CDH4: variants seen among roughly 807,000 people sequenced by gnomAD.
CDH4 encodes cadherin 4, also known as cadherin-4.
CDH4 carries 33 observed loss-of-function variants against 86.0 expected under a neutral mutation model. That is an observed-to-expected ratio of 0.38 (90% CI 0.29 to 0.51). The LOEUF is 0.51. Among genes scored for constraint, CDH4 ranks in the 20% least tolerant of loss-of-function variants. CDH4 has a pLI of 0.86. For synonymous variants in CDH4, 555 were observed against 549.4 expected (o/e 1.01, Z -0.14); for missense variants, 1,114 against 1,307.4 (o/e 0.85, Z 2.28).
intron 5 of CDH4, among the ~76,000 whole-genome samples, chr20:61,849,162 A>C (rs1314378157): frequency 6.6e-6 from 1 of 151,624 alleles, no homozygotes; most frequent in Non-Finnish European, 1.5e-5. Flanking sequence ...ACTTGTAGCT[A>C]ATCTCTCTGT....
At chr20:61,822,494 T>C (rs1320855783) in intron 4 of CDH4, among the ~76,000 whole-genome samples, 2 of 152,126 alleles carry the variant, frequency 1.3e-5, no homozygotes, top group African/African-American at 4.8e-5. Flanking sequence ...AGCGAAGGTG[T>C]GGTTCGGCGA....
At chr20:61,859,492 CTT>C (rs927601224) in intron 6 of CDH4, among the ~76,000 whole-genome samples, 3 of 152,226 alleles carry the variant, frequency 2.0e-5, no homozygotes, top group African/African-American at 7.2e-5. Flanking sequence ...TGAAAATGCT[CTT>C]CTCTGGGTTT....
intron 2 of CDH4, among the ~76,000 whole-genome samples, chr20:61,727,408 ATCATCATCTCTG>A (rs1157993965): frequency 1.3e-5 from 2 of 152,296 alleles, no homozygotes; most frequent in South Asian, 2.1e-4. Flanking sequence ...TGCTGCCATC[ATCATCATCTCTG>A]TCATCATCAC....
chr20:61,897,726 G>A (rs1486150401), intron 8 of CDH4, among the ~76,000 whole-genome samples: 1 of 152,362 alleles, frequency 6.6e-6, no homozygotes, highest in Non-Finnish European at 1.5e-5. Flanking sequence ...GCTAAGCACA[G>A]GCTACTGCAG....
At chr20:61,288,928 T>G (rs1008027712) in intron 2 of CDH4, among the ~76,000 whole-genome samples, 2 of 151,940 alleles carry the variant, frequency 1.3e-5, no homozygotes, top group South Asian at 4.2e-4. Context: ...TAAAGTAAAC[T>G]GGGGCTTAAA....
intron 2 of CDH4, among the ~76,000 whole-genome samples, chr20:61,316,095 C>G (rs543849650): frequency 5.3e-5 from 8 of 152,126 alleles, no homozygotes; most frequent in African/African-American, 1.7e-4. Flanking sequence ...CTCAGTTTTC[C>G]TAATTCACGT....
intron 2 of CDH4, among the ~76,000 whole-genome samples, chr20:61,298,931 T>G (rs2084371672): frequency 6.6e-6 from 1 of 152,122 alleles, no homozygotes; most frequent in Non-Finnish European, 1.5e-5. Flanking sequence ...AGAGTTCATT[T>G]CTGAAAACAG....
chr20:61,288,792 C>T (rs1313093618), intron 2 of CDH4, among the ~76,000 whole-genome samples: 3 of 152,134 alleles, frequency 2.0e-5, no homozygotes, highest in Admixed American at 2.0e-4. Flanking sequence ...AGCAGGGCGG[C>T]CAAACAATAA....
At chr20:61,880,132 CAT>C (rs969758384) in intron 7 of CDH4, among the ~76,000 whole-genome samples, 16 of 152,214 alleles carry the variant, frequency 1.1e-4, no homozygotes, top group African/African-American at 3.4e-4. Context: ...AATGTATTCA[CAT>C]GATTCAAATT....
At chr20:61,554,826 A>G (rs1350176347) in intron 2 of CDH4, among the ~76,000 whole-genome samples, 4 of 152,320 alleles carry the variant, frequency 2.6e-5, no homozygotes, top group East Asian at 1.9e-4. Context: ...GTGTGAGAGT[A>G]TGTTCGCATC....
At chr20:61,328,969 A>G (rs2084553068) in intron 2 of CDH4, among the ~76,000 whole-genome samples, 1 of 152,184 alleles carries the variant, frequency 6.6e-6, no homozygotes, top group African/African-American at 2.4e-5. Context: ...TACACCTCAC[A>G]TGCTGAGCAT....
chr20:61,672,549 G>T lies in CDH4; in HGVS notation c.170-71014G>T, dbSNP rs548430690. Among the ~76,000 whole-genome samples the T allele has an allele frequency of 1.6e-3, 249 of 152,282 alleles. 1 individual carries two copies. The highest frequency in any genetic ancestry group is 5.7e-3 in the African/African-American group (238 of 41,562). On this transcript the variant is annotated intron_variant, in intron 2 of 15. Transcript: ENST00000614565. ...CCTCCAGCACTGTGCTTGCTGTGTA[G>T]TAAGGGCTCTGTGAGAAATGAGGTG...
At chr20:61,611,709 C>T (rs890188188) in intron 2 of CDH4, among the ~76,000 whole-genome samples, 1 of 152,152 alleles carries the variant, frequency 6.6e-6, no homozygotes, top group Non-Finnish European at 1.5e-5. Flanking sequence ...TCAGGCCAAA[C>T]GAGGCTGTAG....
rs1332876352 is a variant in CDH4 at position 61,623,159 on chromosome 20, G to A, written c.170-120404G>A. 6.6e-6 allele frequency among the ~76,000 whole-genome samples: 1 copy of A among 152,164 alleles called. No homozygotes were observed. On this transcript the variant is annotated intron_variant, in intron 2 of 15. Coordinates refer to ENST00000614565, the MANE Select transcript of CDH4 (RefSeq NM_001794.5). The surrounding 1 kb of genome is among the most constrained non-coding windows in gnomAD (Gnocchi z 4.4). ...GTTTCCAGATGAGGATGTGGAGGTG[G>A]GAGTAGAAGGGCCTGGGTTCAAATC...
rs2123027752 is a variant in CDH4, at chr20:61,937,178, CTGTCTTCACT to C, written c.*238_*247del. The C allele has an allele frequency of 4.5e-6, 1 of 219,916 alleles. No homozygotes were observed. Among genetic ancestry groups the C allele is most frequent in the East Asian group, 8.1e-5 (1 of 12,384 alleles). 13.6% of individuals were successfully genotyped at this position (219,916 alleles called of 1,614,324 possible). On this transcript the variant is annotated 3_prime_UTR_variant, in exon 16 of 16. Transcript: ENST00000614565. ...GCACTGAAGGACAGCAAGAGGCACTCTGTCTTCACTTGAATTTCCTAGAACAGAAGCACTG... is the reference window on the plus strand; with the variant it reads ...GCACTGAAGGACAGCAAGAGGCACTCTGAATTTCCTAGAACAGAAGCACTG...
Position 61,668,607 on chromosome 20 carries a change from C to A in CDH4, c.170-74956C>A, listed in dbSNP as rs73306697. ...CAGGGCAACTCCTCCTGTGTACATT[C>A]CCCCAGCCCCATGAGAGAAAAAGAG... On this transcript the variant is annotated intron_variant, in intron 2 of 15. Transcript: ENST00000614565. 6.4e-3 allele frequency among the ~76,000 whole-genome samples: 978 copies of A among 152,296 alleles called. 7 individuals carry two copies. The highest frequency in any genetic ancestry group is 0.023 in the African/African-American group (937 of 41,566).
At chr20:61,463,569 A>G (rs201573069) in intron 2 of CDH4, among the ~76,000 whole-genome samples, 25 of 152,326 alleles carry the variant, frequency 1.6e-4, no homozygotes, top group East Asian at 7.7e-4. Context: ...TCCCCACCCA[A>G]TCAGTCAGGA....
intron 4 of CDH4, among the ~76,000 whole-genome samples, chr20:61,792,957 T>TTTTTTGTTTTTG (rs148837229): frequency 1.4e-5 from 2 of 146,842 alleles, no homozygotes; most frequent in South Asian, 2.2e-4. Flanking sequence ...CCTATGTGTT[T>TTTTTTGTTTTTG]TTTTTGTTTT....
At chr20:61,273,973 G>C (rs1272099781) in intron 2 of CDH4, among the ~76,000 whole-genome samples, 14 of 149,362 alleles carry the variant, frequency 9.4e-5, no homozygotes, top group Non-Finnish European at 1.9e-4. Context: ...GTGCAGTTTT[G>C]GGGGGTACCA....
Sources: gnomAD v4.1 joint callset for allele counts (sites outside exome capture counted in the v4.1 genomes callset) on GRCh38, gnomAD v4.1.1 for gene constraint, Gnocchi (gnomAD v3.1) non-coding constraint, MANE v1.5 for transcripts, NCBI Gene and HGNC (gene_info 2026-07-23, HGNC 2026-07-21) for gene names.